DPP6: variants seen among roughly 807,000 people sequenced by gnomAD.
DPP6 encodes A-type potassium channel modulatory protein DPP6.
Under a neutral mutation model 122.6 loss-of-function variants are expected in DPP6, and 69 were observed. The observed-to-expected ratio is 0.56, with a 90% CI of 0.46 to 0.69. The LOEUF (loss-of-function observed/expected upper bound fraction) is 0.69, where lower values mean the gene tolerates loss of function less well. DPP6 is among the 30% of genes least tolerant of loss of function. DPP6 has a pLI of 0.00. For synonymous variants in DPP6, 418 were observed against 433.1 expected (o/e 0.97, Z 0.43); for missense variants, 928 against 1,116.9 (o/e 0.83, Z 2.41).
At chr7:154,053,447 A>G (rs1011092527) in intron 1 of DPP6, among the ~76,000 whole-genome samples, 1 of 150,702 alleles carries the variant, frequency 6.6e-6, no homozygotes, top group African/African-American at 2.4e-5. Flanking sequence ...TTTTTTATTT[A>G]TTTCGTGCTC....
At chr7:154,424,534 T>A (rs771860278) in intron 1 of DPP6, among the ~76,000 whole-genome samples, 1 of 152,116 alleles carries the variant, frequency 6.6e-6, no homozygotes, top group Non-Finnish European at 1.5e-5. Flanking sequence ...CACCGACTCT[T>A]CTCCCTCCCT....
chr7:154,328,928 G>C (rs1808677326), intron 1 of DPP6, among the ~76,000 whole-genome samples: 1 of 152,212 alleles, frequency 6.6e-6, no homozygotes, highest in Non-Finnish European at 1.5e-5. Context: ...TGTCTTCCCA[G>C]TTCTCATCAG....
chr7:153,994,103 C>A lies in DPP6; in HGVS notation c.51+106369C>A, dbSNP rs1390966146. Among the ~76,000 whole-genome samples, 9 of 151,900 alleles carry A rather than the reference C, an allele frequency of 5.9e-5. No homozygotes were observed. In the East Asian group the frequency reaches 1.6e-3, roughly 26 times the overall value. On this transcript the variant is annotated intron_variant, in intron 1 of 25. Coordinates refer to the DPP6 transcript ENST00000404039. Reference sequence around the variant, plus strand: ...CTTTTATAAGTGAATTAAGTGACCTCTCTGGTTGAGTGATATAAGATCTAG... The same window carrying A: ...CTTTTATAAGTGAATTAAGTGACCTATCTGGTTGAGTGATATAAGATCTAG...
At chr7:153,991,059 G>T (rs192743704) in intron 1 of DPP6, among the ~76,000 whole-genome samples, 125 of 152,308 alleles carry the variant, frequency 8.2e-4, no homozygotes, top group Non-Finnish European at 1.3e-3. Context: ...GGAGTAATAA[G>T]GGCAAGGTGT....
chr7:153,766,345 A>T, the DPP6 span, among the ~76,000 whole-genome samples: 1 of 152,204 alleles, frequency 6.6e-6, no homozygotes, highest in African/African-American at 2.4e-5. Flanking sequence ...AGCCACTTGC[A>T]TTGAGTTTTT....
rs185653032 is a variant in DPP6, at chr7:153,895,154, T to A, written c.51+7420T>A. On this transcript the variant is annotated intron_variant, in intron 1 of 25. Transcript: ENST00000404039. ...CTTTTTCTTCACGCCCAGAAAAAAT[T>A]AATCTTCTTGACTGAAAGATACTCT... is the stretch of plus-strand genomic sequence containing the variant. 3.3e-5 allele frequency among the ~76,000 whole-genome samples: 5 copies of A among 152,296 alleles called. No individual in the cohort carries two copies. The East Asian group carries it at 9.6e-4, about 29-fold the overall frequency.
chr7:154,407,870 C>G (rs1020818315), intron 1 of DPP6, among the ~76,000 whole-genome samples: 5 of 152,144 alleles, frequency 3.3e-5, no homozygotes, highest in Non-Finnish European at 7.4e-5. Context: ...AGAGGATTCT[C>G]CATCAGGACT....
chr7:154,013,172 C>T (rs1798227289), intron 1 of DPP6, among the ~76,000 whole-genome samples: 1 of 152,240 alleles, frequency 6.6e-6, no homozygotes, highest in Non-Finnish European at 1.5e-5. Flanking sequence ...CCTCCAGGGT[C>T]ATAGTCCTGT....
chr7:153,949,427 A>G lies in DPP6; in HGVS notation c.51+61693A>G, dbSNP rs1451104530. Among the ~76,000 whole-genome samples the G allele has an allele frequency of 2.6e-5, 4 of 152,228 alleles. No homozygotes were observed. In the East Asian group the frequency reaches 5.8e-4, roughly 22 times the overall value. ...TCTTATGACTCAATCAAGGGCTTGC[A>G]TGGTGTGTGGTGCTGGCACTGCTTT... On this transcript the variant is annotated intron_variant, in intron 1 of 25. Transcript: ENST00000404039.
intron 7 of DPP6, among the ~76,000 whole-genome samples, chr7:154,722,970 A>G (rs571994405): frequency 6.6e-6 from 1 of 152,248 alleles, no homozygotes; most frequent in East Asian, 1.9e-4. Flanking sequence ...CTGAATATCA[A>G]AAGGAGAATG....
chr7:154,006,769 C>T (rs1263065585), intron 1 of DPP6, among the ~76,000 whole-genome samples: 1 of 152,206 alleles, frequency 6.6e-6, no homozygotes, highest in Non-Finnish European at 1.5e-5. Flanking sequence ...ACTATCTGCA[C>T]GCAGGAAGCC....
chr7:154,609,652 T>C (rs2171612), intron 5 of DPP6, among the ~76,000 whole-genome samples: 61,483 of 152,012 alleles, frequency 0.4, 13,443 homozygotes, highest in East Asian at 0.65. Context: ...CACATTTACA[T>C]ACATGCTCAC....
chr7:154,791,479 T>C (rs1797676830), intron 10 of DPP6, among the ~76,000 whole-genome samples: 1 of 152,118 alleles, frequency 6.6e-6, no homozygotes, highest in South Asian at 2.1e-4. Flanking sequence ...TGAGAACTTA[T>C]TCCCTACCAT....
chr7:154,296,657 C>G (rs1360722248), intron 1 of DPP6, among the ~76,000 whole-genome samples: 2 of 152,212 alleles, frequency 1.3e-5, no homozygotes, highest in Non-Finnish European at 2.9e-5. Flanking sequence ...AGATGAAAAG[C>G]CTTCCCATGT....
intron 3 of DPP6, among the ~76,000 whole-genome samples, chr7:154,477,931 A>G (rs967265677): frequency 1.3e-5 from 2 of 152,132 alleles, no homozygotes; most frequent in African/African-American, 4.8e-5. Context: ...GGGTCCCCAA[A>G]TACAGGTTTG....
At chr7:154,665,911 G>A (rs929847440) in intron 6 of DPP6, among the ~76,000 whole-genome samples, 2 of 151,340 alleles carry the variant, frequency 1.3e-5, no homozygotes, top group African/African-American at 2.4e-5. Context: ...TTACATATTT[G>A]TCCCATTCTA....
intron 1 of DPP6, among the ~76,000 whole-genome samples, chr7:154,066,964 A>T (rs1340074369): frequency 6.8e-6 from 1 of 147,620 alleles, no homozygotes; most frequent in Non-Finnish European, 1.5e-5. Flanking sequence ...CACTTGCCCC[A>T]TATGGCTGTT....
the DPP6 span, among the ~76,000 whole-genome samples, chr7:153,773,873 A>G: frequency 6.6e-6 from 1 of 151,498 alleles, no homozygotes; most frequent in East Asian, 1.9e-4. Context: ...AAAAAAAAAA[A>G]AGAAAATAAA....
chr7:154,262,346 A>G (rs1389953320), intron 1 of DPP6, among the ~76,000 whole-genome samples: 1 of 152,304 alleles, frequency 6.6e-6, no homozygotes, highest in East Asian at 1.9e-4. Context: ...AAATGAGGCC[A>G]TAGAGGTGGA....
Sources: allele counts gnomAD v4.1 joint callset (sites outside exome capture counted in the v4.1 genomes callset), GRCh38; gene constraint gnomAD v4.1.1; transcripts MANE v1.5; gene names NCBI Gene and HGNC (gene_info 2026-07-23, HGNC 2026-07-21).